The following BAIAP2L1 variants were observed in gnomAD, a reference collection of about 807,000 sequenced individuals.
BAIAP2L1 encodes BAR/IMD domain-containing adapter protein 2-like 1.
A neutral mutation model predicts 66.3 loss-of-function variants in BAIAP2L1; 35 were observed. The observed-to-expected ratio is 0.53, with a 90% CI of 0.40 to 0.70. The LOEUF (loss-of-function observed/expected upper bound fraction) is 0.70, where lower values mean the gene tolerates loss of function less well. Ranked by LOEUF, BAIAP2L1 falls within the 30% of genes least tolerant of loss-of-function variation. The pLI, the probability that BAIAP2L1 is intolerant of heterozygous loss-of-function variation, is 0.00. For missense variants in BAIAP2L1, 622 were observed against 656.9 expected (o/e 0.95, Z 0.58); for synonymous variants, 269 against 248.7 (o/e 1.08, Z -0.77).
chr7:98,354,317 C>T (rs1489202761), intron 3 of BAIAP2L1, among the ~76,000 whole-genome samples: 1 of 152,142 alleles, frequency 6.6e-6, no homozygotes, highest in Admixed American at 6.5e-5. Context: ...CTTCCCCTTC[C>T]TACTTCTTAA....
chr7:98,330,387 G>A (rs1386992033), intron 3 of BAIAP2L1, among the ~76,000 whole-genome samples: 1 of 152,212 alleles, frequency 6.6e-6, no homozygotes, highest in Non-Finnish European at 1.5e-5. Context: ...GCCAGGCGTG[G>A]TGGCTCACAC....
intron 1 of BAIAP2L1, among the ~76,000 whole-genome samples, chr7:98,374,121 G>C (rs527885584): frequency 1.3e-5 from 2 of 151,878 alleles, no homozygotes; most frequent in African/African-American, 4.8e-5. Context: ...ACTAATTTTT[G>C]GATTTTTTGT....
At chr7:98,380,531 C>A (rs866744095) in intron 1 of BAIAP2L1, among the ~76,000 whole-genome samples, 5 of 151,874 alleles carry the variant, frequency 3.3e-5, no homozygotes, top group African/African-American at 1.2e-4. Context: ...GGAAACCGCC[C>A]CCATGACTCA....
chr7:98,303,942 G>A (rs190800233), intron 12 of BAIAP2L1, among the ~76,000 whole-genome samples: 208 of 152,334 alleles, frequency 1.4e-3, no homozygotes, highest in African/African-American at 5.0e-3. Context: ...AACTAGAGGC[G>A]ACTGTGTGTA....
chr7:98,313,501 G>T (rs1261007143), intron 7 of BAIAP2L1, among the ~76,000 whole-genome samples: 1 of 151,842 alleles, frequency 6.6e-6, no homozygotes, highest in East Asian at 1.9e-4. Flanking sequence ...GCCACAGGAT[G>T]CCCTCACTCT....
At chr7:98,347,265 G>A (rs1427073586) in intron 3 of BAIAP2L1, among the ~76,000 whole-genome samples, 1 of 152,088 alleles carries the variant, frequency 6.6e-6, no homozygotes, top group African/African-American at 2.4e-5. Flanking sequence ...GCTTTAAAGT[G>A]TACAAATATT....
intron 1 of BAIAP2L1, among the ~76,000 whole-genome samples, chr7:98,375,048 T>C (rs1009831450): frequency 2.6e-5 from 4 of 151,012 alleles, no homozygotes; most frequent in South Asian, 2.1e-4. Context: ...GATTGTGCCA[T>C]TGCACTCCAG....
At chr7:98,308,084 G>C (rs1390247482) in intron 9 of BAIAP2L1, 188 bp from the exon 10 acceptor site, 1 of 706,710 alleles carries the variant, frequency 1.4e-6, no homozygotes, top group African/African-American at 1.7e-5. Flanking sequence ...TTGAGAAACA[G>C]AGGCAGCGTG....
intron 1 of BAIAP2L1, among the ~76,000 whole-genome samples, chr7:98,395,026 G>A (rs574940625): frequency 1.1e-4 from 17 of 152,124 alleles, no homozygotes; most frequent in African/African-American, 3.9e-4. Flanking sequence ...CAGGAGAATC[G>A]CTTGAACCCG....
rs146759713 is a variant in BAIAP2L1 at position 98,304,268 on chromosome 7, G to T, written c.1350C>A (p.Asp450Glu). ...LECLSMGAAA[D>E]RRADSARTTS... ...TCGTCCTGGCCGAATCTGCTCTCCT[G>T]TCGGCAGCTGCCCCCATGGACAAGC... Residue 450 changes from aspartate to glutamate, a missense_variant, in exon 12 of 14, where the codon GAC (aspartate) becomes GAA (glutamate). Transcript: ENST00000005260. 1.1e-5 allele frequency: 17 copies of T among 1,613,668 alleles called. No individual in the cohort carries two copies. In the African/African-American group the frequency reaches 2.3e-4, roughly 22 times the overall value.
At chr7:98,299,954 T>C (rs948249964) in intron 12 of BAIAP2L1, among the ~76,000 whole-genome samples, 9 of 152,102 alleles carry the variant, frequency 5.9e-5, no homozygotes, top group Non-Finnish European at 8.8e-5. Context: ...GGCGGGAGAA[T>C]TGCTTGAGCC....
chr7:98,331,870 G>C (rs747056443), intron 3 of BAIAP2L1, among the ~76,000 whole-genome samples: 8 of 152,178 alleles, frequency 5.3e-5, no homozygotes, highest in Admixed American at 1.3e-4. Flanking sequence ...CAAGCAAGAA[G>C]AGAGTGGAGT....
At chr7:98,359,976 G>A (rs376655006) in intron 2 of BAIAP2L1, among the ~76,000 whole-genome samples, 1 of 150,498 alleles carries the variant, frequency 6.6e-6, no homozygotes, top group South Asian at 2.1e-4. Flanking sequence ...AGGCTGGAGT[G>A]CAGTGGCATG....
Position 98,340,579 on chromosome 7 carries a change from G to A in BAIAP2L1, c.214+14463C>T, listed in dbSNP as rs574032130. 7.3e-4 allele frequency among the ~76,000 whole-genome samples: 111 copies of A among 152,086 alleles called. 1 individual carries two copies. Among genetic ancestry groups the A allele is most frequent in the Non-Finnish European group, 1.3e-3 (87 of 67,986 alleles). The stretch of plus-strand genomic sequence containing the variant: ...TGTGATTACAGGCATGAGCCACCAC[G>A]CCCGGCTATGTAAGTAATATTTACT... On this transcript the variant is annotated intron_variant, in intron 3 of 13. Coordinates refer to ENST00000005260, the MANE Select transcript of BAIAP2L1 (RefSeq NM_018842.5).
In BAIAP2L1 at chr7:98,306,405, G is replaced by T. The variant is rs760146100; in HGVS notation, c.1241+34C>A. ...CAGAAACGACAAGGCAGGGGTTTCTGTCACCGGGAGAGCTCAGCCACGTTC... is the reference window on the plus strand; with the variant it reads ...CAGAAACGACAAGGCAGGGGTTTCTTTCACCGGGAGAGCTCAGCCACGTTC... On this transcript the variant is annotated intron_variant, in intron 11 of 13. Transcript: ENST00000005260. 9.9e-6 allele frequency: 16 copies of T among 1,611,842 alleles called. No homozygotes were observed. The East Asian group carries it at 3.3e-4, about 34-fold the overall frequency.
At position 98,339,849 on chromosome 7, in the gene BAIAP2L1, T is replaced by C. The variant is rs944189124; in HGVS notation, c.214+15193A>G. Among the ~76,000 whole-genome samples, 4 of 152,188 alleles carry C rather than the reference T, an allele frequency of 2.6e-5. No homozygotes were observed. The East Asian group carries it at 5.8e-4, about 22-fold the overall frequency. On this transcript the variant is annotated intron_variant, in intron 3 of 13. Transcript: ENST00000005260. ...ACACCTATTTGTAAGAGGATGTAAG[T>C]AGCGCTTGTGAACAAGGATGGTGAT...
intron 1 of BAIAP2L1, among the ~76,000 whole-genome samples, chr7:98,367,430 G>A (rs1802409865): frequency 6.6e-6 from 1 of 151,668 alleles, no homozygotes; most frequent in Admixed American, 6.6e-5. Context: ...GAGTGCAGTG[G>A]TACGATCTCA....
chr7:98,385,712 C>A, intron 1 of BAIAP2L1: 1 of 1,190,444 alleles, frequency 8.4e-7, no homozygotes, highest in Non-Finnish European at 1.2e-6. Flanking sequence ...CCACACCCAG[C>A]CAGGAATCAA....
rs748707882 is a variant in BAIAP2L1 at position 98,317,354 on chromosome 7, TG to T, written c.350del (p.Ala117GlufsTer3). The T allele has an allele frequency of 2.5e-6, 4 of 1,613,548 alleles. No homozygotes were observed. In the South Asian group the frequency reaches 4.4e-5, roughly 18 times the overall value. On this transcript the variant is annotated frameshift_variant and splice_region_variant, in exon 6 of 14. Coordinates refer to ENST00000005260, the MANE Select transcript of BAIAP2L1 (RefSeq NM_018842.5). LOFTEE classifies it high-confidence loss of function. Reference sequence around the variant, plus strand: ...GTTCTGTTTGGTATCTTTTTAGAGTTGCCTGTAAGTTAAATGGCTGTGCTTA... The same window carrying T: ...GTTCTGTTTGGTATCTTTTTAGAGTTCCTGTAAGTTAAATGGCTGTGCTTA... ...KIELDVKYMNATLKRYQTEHK... is the reference protein window; with the variant it reads ...KIELDVKYMNXTLKRYQTEHK...
Sources: allele counts gnomAD v4.1 joint callset (sites outside exome capture counted in the v4.1 genomes callset), GRCh38; gene constraint gnomAD v4.1.1; transcripts MANE v1.5; gene names NCBI Gene and HGNC (gene_info 2026-07-23, HGNC 2026-07-21).